The following MSRB3 variants were observed in gnomAD, a reference collection of about 807,000 sequenced individuals.
MSRB3 encodes the protein methionine-R-sulfoxide reductase B3.
In MSRB3, 13 loss-of-function variants were observed where a neutral mutation model predicts 21.0. The observed-to-expected ratio is 0.62, with a 90% CI of 0.40 to 0.98. The LOEUF (loss-of-function observed/expected upper bound fraction) is 0.98, where lower values mean the gene tolerates loss of function less well. Among genes scored for constraint, MSRB3 ranks in the 50% least tolerant of loss-of-function variants. The pLI, the probability that MSRB3 is intolerant of heterozygous loss-of-function variation, is 0.00. For synonymous variants in MSRB3, 87 were observed against 88.6 expected (o/e 0.98, Z 0.10); for missense variants, 199 against 230.3 (o/e 0.86, Z 0.88).
intron 4 of MSRB3, among the ~76,000 whole-genome samples, chr12:65,358,392 C>G (rs1273327454): frequency 2.6e-5 from 4 of 151,864 alleles, no homozygotes; most frequent in Non-Finnish European, 5.9e-5. Flanking sequence ...TTATTTATAT[C>G]AGTATAGACT....
intron 5 of MSRB3, among the ~76,000 whole-genome samples, chr12:65,439,573 A>G (rs942614205): frequency 2.0e-5 from 3 of 151,724 alleles, no homozygotes; most frequent in African/African-American, 7.2e-5. Context: ...GATTTCGTAT[A>G]GCCCATATTT....
chr12:65,279,108 C>T lies in MSRB3; in HGVS notation c.-52+243C>T, dbSNP rs572194526. ...TTTCCCCCCACCCGCCGAAGGGAGG[C>T]GTCTGGCAGCCTCACTGACACCTTA... On this transcript the variant is annotated intron_variant, in intron 1 of 6. Transcript: ENST00000308259. 2.4e-5 allele frequency: 33 copies of T among 1,381,494 alleles called. No homozygotes were observed. In the South Asian group the frequency reaches 4.6e-4, roughly 19 times the overall value. 85.6% of individuals were successfully genotyped at this position (1,381,494 alleles called of 1,614,324 possible). A position where few individuals can be genotyped will look rare whatever the true frequency, so the allele number is the denominator to read the frequency against.
Position 65,328,572 on chromosome 12 carries a change from A to G in MSRB3, c.232A>G (p.Lys78Glu), listed in dbSNP as rs1419084314. ...ACATCACAAAGATCCTGGAATATAT[A>G]AATGTGTTGTTTGTGGAACTCCATT... ...YTHHKDPGIY[K>E]CVVCGTPLFK... The change falls in exon 4 of 7, where the codon AAA (lysine) becomes GAA (glutamate). Residue 78 changes from lysine to glutamate, a missense_variant. Physicochemically the swap from Lys to Glu is moderately conservative, Grantham distance 56 (BLOSUM62 1). Transcript: ENST00000308259. 1 of 1,612,632 alleles carries G rather than the reference A, an allele frequency of 6.2e-7. No individual in the cohort carries two copies. Among genetic ancestry groups the G allele is most frequent in the Admixed American group, 1.7e-5 (1 of 60,014 alleles).
In MSRB3 at chr12:65,446,340, C is replaced by T. The variant is rs1882616458; in HGVS notation, c.293-7388C>T. 2.0e-5 allele frequency among the ~76,000 whole-genome samples: 3 copies of T among 152,204 alleles called. No homozygotes were observed. The South Asian group carries it at 6.2e-4, about 32-fold the overall frequency. ...TTGTGTTAATCTCATACAGCTAACC[C>T]ATAATCCGTTTTTAGCCACAGAGTT... On this transcript the variant is annotated intron_variant, in intron 5 of 6. Transcript: ENST00000308259.
chr12:65,378,868 C>T (rs1294231781), intron 5 of MSRB3, among the ~76,000 whole-genome samples: 1 of 152,108 alleles, frequency 6.6e-6, no homozygotes, highest in Non-Finnish European at 1.5e-5. Context: ...TGTAAGTAAT[C>T]CAGCTATATG....
At chr12:65,371,759 A>G (rs1878340858) in intron 5 of MSRB3, among the ~76,000 whole-genome samples, 1 of 152,188 alleles carries the variant, frequency 6.6e-6, no homozygotes, top group African/African-American at 2.4e-5. Flanking sequence ...CATTGCCAGC[A>G]CATGGTAAAA....
At chr12:65,362,033 C>G (rs1345051130) in intron 4 of MSRB3, among the ~76,000 whole-genome samples, 1 of 152,092 alleles carries the variant, frequency 6.6e-6, no homozygotes, top group East Asian at 1.9e-4. Flanking sequence ...CCTACTGCTG[C>G]TTAGTTAATA....
At chr12:65,346,345 G>A (rs1184629016) in intron 4 of MSRB3, among the ~76,000 whole-genome samples, 1 of 152,156 alleles carries the variant, frequency 6.6e-6, no homozygotes, top group Non-Finnish European at 1.5e-5. Flanking sequence ...GTGATGGTGA[G>A]CATTTTTTCA....
chr12:65,376,158 C>G (rs1394750060), intron 5 of MSRB3, among the ~76,000 whole-genome samples: 3 of 129,188 alleles, frequency 2.3e-5, no homozygotes, highest in South Asian at 2.4e-4. Flanking sequence ...CTCGCTCTTT[C>G]GCCCAGGCCA....
At chr12:65,289,723 A>G (rs988577715) in intron 1 of MSRB3, among the ~76,000 whole-genome samples, 3 of 152,212 alleles carry the variant, frequency 2.0e-5, no homozygotes, top group Admixed American at 6.5e-5. Context: ...AATAGGCCCC[A>G]GTGTCGATTG....
intron 5 of MSRB3, among the ~76,000 whole-genome samples, chr12:65,453,196 C>T (rs1470705585): frequency 6.6e-6 from 1 of 152,124 alleles, no homozygotes; most frequent in Admixed American, 6.5e-5. Flanking sequence ...TCCAGATAAC[C>T]CTTTTTCCAG....
chr12:65,353,854 C>T (rs1022306110), intron 4 of MSRB3, among the ~76,000 whole-genome samples: 29 of 151,582 alleles, frequency 1.9e-4, no homozygotes, highest in Non-Finnish European at 2.4e-4. Flanking sequence ...GTTTTTGCAG[C>T]GGCTGGTACT....
intron 5 of MSRB3, among the ~76,000 whole-genome samples, chr12:65,443,062 T>TTAGG: frequency 6.6e-6 from 1 of 152,214 alleles, no homozygotes; most frequent in East Asian, 1.9e-4. Context: ...CAATTCCTGC[T>TTAGG]TAGGAGTTGC....
chr12:65,408,600 G>A (rs1880547360), intron 5 of MSRB3, among the ~76,000 whole-genome samples: 1 of 152,128 alleles, frequency 6.6e-6, no homozygotes, highest in Non-Finnish European at 1.5e-5. Flanking sequence ...CTGATCTTGT[G>A]GTAAGATATG....
intron 4 of MSRB3, among the ~76,000 whole-genome samples, chr12:65,359,099 G>C (rs1877558185): frequency 6.6e-6 from 1 of 151,630 alleles, no homozygotes; most frequent in African/African-American, 2.4e-5. Flanking sequence ...ATAACTTATA[G>C]TTACCATTAT....
In MSRB3 at chr12:65,285,011, C is replaced by T. The variant is rs957673069; in HGVS notation, c.-52+6146C>T. The T allele has an allele frequency of 2.0e-5, 3 of 152,182 alleles. No homozygotes were observed. The South Asian group carries it at 6.2e-4, about 32-fold the overall frequency. 9.4% of individuals were successfully genotyped at this position (152,182 alleles called of 1,614,324 possible). ...AACACACATTGTGTCTCACACTCCT[C>T]CTCGTTCCTCACTCTTCTTCCCCAA... On this transcript the variant is annotated intron_variant, in intron 1 of 6. Coordinates refer to ENST00000308259, the MANE Select transcript of MSRB3 (RefSeq NM_001031679.3).
chr12:65,321,213 G>T (rs1460462257), intron 2 of MSRB3, among the ~76,000 whole-genome samples: 8 of 152,046 alleles, frequency 5.3e-5, no homozygotes, highest in Admixed American at 6.6e-5. Flanking sequence ...GCTGGAATGG[G>T]AGCTCCAGGA....
At chr12:65,307,407 A>G (rs781021819) in intron 1 of MSRB3, among the ~76,000 whole-genome samples, 11 of 152,138 alleles carry the variant, frequency 7.2e-5, no homozygotes, top group Non-Finnish European at 1.2e-4. Context: ...ATTACTGTTT[A>G]TTATATGTTT....
chr12:65,351,867 C>T (rs780321675), intron 4 of MSRB3, among the ~76,000 whole-genome samples: 196 of 152,178 alleles, frequency 1.3e-3, no homozygotes, highest in Non-Finnish European at 2.1e-3. Flanking sequence ...GATTCACAGC[C>T]GAATTCTATC....
Sources: gnomAD v4.1 joint callset for allele counts (sites outside exome capture counted in the v4.1 genomes callset) on GRCh38, gnomAD v4.1.1 for gene constraint, MANE v1.5 for transcripts, NCBI Gene and HGNC (gene_info 2026-07-23, HGNC 2026-07-21) for gene names.